Variants in SMURF2 observed in about 807,000 individuals in gnomAD.
SMURF2 encodes the protein E3 ubiquitin-protein ligase SMURF2.
A neutral mutation model predicts 109.6 loss-of-function variants in SMURF2; 48 were observed. The observed-to-expected ratio is 0.44, with a 90% CI of 0.35 to 0.56. The LOEUF (loss-of-function observed/expected upper bound fraction) is 0.56, where lower values mean the gene tolerates loss of function less well. SMURF2 is among the 20% of genes least tolerant of loss of function. The pLI is 0.01. For missense variants in SMURF2, 575 were observed against 909.0 expected, an observed-to-expected ratio of 0.63 and a Z score of 4.72; for synonymous variants, 288 against 317.1, an observed-to-expected ratio of 0.91 and a Z score of 0.97.
intron 1 of SMURF2, among the ~76,000 whole-genome samples, chr17:64,624,218 C>G (rs1555690946): frequency 6.6e-6 from 1 of 152,196 alleles, no homozygotes; most frequent in Non-Finnish European, 1.5e-5. Flanking sequence ...TGCCTTAGGT[C>G]AGGCACAGTG....
intron 1 of SMURF2, among the ~76,000 whole-genome samples, chr17:64,638,004 T>C (rs955694016): frequency 3.3e-5 from 5 of 150,420 alleles, no homozygotes; most frequent in African/African-American, 9.8e-5. Flanking sequence ...CATTGATCTA[T>C]ATCTCAATCC....
At chr17:64,659,854 G>A (rs1285137946) in intron 1 of SMURF2, among the ~76,000 whole-genome samples, 1 of 152,086 alleles carries the variant, frequency 6.6e-6, no homozygotes, top group East Asian at 1.9e-4. Context: ...AAGAAGGAAG[G>A]ACAATGTTTT....
chr17:64,651,786 G>A (rs193199066), intron 1 of SMURF2, among the ~76,000 whole-genome samples: 4 of 152,224 alleles, frequency 2.6e-5, no homozygotes, highest in East Asian at 1.9e-4. Flanking sequence ...AGCTGGGCAC[G>A]GTGATGGATG....
chr17:64,630,146 G>A (rs1555691466), intron 1 of SMURF2, among the ~76,000 whole-genome samples: 4 of 152,048 alleles, frequency 2.6e-5, no homozygotes, highest in African/African-American at 9.7e-5. Context: ...TGAGGCAGGA[G>A]AATCGCTTGA....
chr17:64,632,320 A>G (rs1555691727), intron 1 of SMURF2, among the ~76,000 whole-genome samples: 1 of 152,168 alleles, frequency 6.6e-6, no homozygotes, highest in Non-Finnish European at 1.5e-5. Flanking sequence ...TTGACTTGCC[A>G]CATCAATCAC....
chr17:64,571,446 C>G (rs966332319), intron 10 of SMURF2, among the ~76,000 whole-genome samples: 21 of 152,000 alleles, frequency 1.4e-4, no homozygotes, highest in African/African-American at 4.8e-4. Context: ...CATCTGTCAC[C>G]CAGGCTGGAG....
At chr17:64,618,651 T>C (rs957785327) in intron 1 of SMURF2, among the ~76,000 whole-genome samples, 5 of 152,306 alleles carry the variant, frequency 3.3e-5, no homozygotes, top group Middle Eastern at 3.4e-3. Context: ...GAGATGAATA[T>C]TGTATATTTA....
chr17:64,621,987 A>ATAATAATAATAAT (rs1555690691), intron 1 of SMURF2, among the ~76,000 whole-genome samples: 1 of 132,546 alleles, frequency 7.5e-6, no homozygotes, highest in African/African-American at 2.7e-5. Flanking sequence ...AATAATAATA[A>ATAATAATAATAAT]AAAAAAGCAC....
chr17:64,662,013 G>T lies in SMURF2; in HGVS notation c.-133C>A. The T allele has an allele frequency of 9.0e-7, 1 of 1,113,532 alleles. No individual in the cohort carries two copies. The highest frequency in any genetic ancestry group is 1.1e-6 in the Non-Finnish European group (1 of 912,646). 69.0% of individuals were successfully genotyped at this position (1,113,532 alleles called of 1,614,324 possible). A position where few individuals can be genotyped will look rare whatever the true frequency, so the allele number is the denominator to read the frequency against. ...CGGCCGCCACGGCCGGAGGGTCCCG[G>T]ATGTGCCGAGAGTCGTCGCCATGAG... On this transcript the variant is annotated 5_prime_UTR_variant, in exon 1 of 19. Coordinates refer to ENST00000262435, the MANE Select transcript of SMURF2 (RefSeq NM_022739.4).
chr17:64,603,615 G>A (rs573663788), intron 2 of SMURF2, among the ~76,000 whole-genome samples: 1 of 151,602 alleles, frequency 6.6e-6, no homozygotes, highest in Non-Finnish European at 1.5e-5. Context: ...ATGAATAAAT[G>A]GGTAAATATG....
intron 1 of SMURF2, among the ~76,000 whole-genome samples, chr17:64,649,937 A>G (rs1555693328): frequency 1.3e-5 from 2 of 151,618 alleles, no homozygotes; most frequent in Non-Finnish European, 2.9e-5. Context: ...ATGCTGATAC[A>G]AGACATTTAT....
intron 3 of SMURF2, among the ~76,000 whole-genome samples, chr17:64,597,728 G>A (rs1323000013): frequency 6.7e-6 from 1 of 150,200 alleles, no homozygotes; most frequent in Non-Finnish European, 1.5e-5. Flanking sequence ...AGCCGAGATG[G>A]TGCCACTGCA....
chr17:64,653,352 C>T (rs1404682034), intron 1 of SMURF2, among the ~76,000 whole-genome samples: 2 of 151,944 alleles, frequency 1.3e-5, no homozygotes, highest in Non-Finnish European at 2.9e-5. Flanking sequence ...AATATCTGTA[C>T]CTACCAATTA....
At chr17:64,658,107 C>T (rs754650437) in intron 1 of SMURF2, among the ~76,000 whole-genome samples, 4 of 152,152 alleles carry the variant, frequency 2.6e-5, no homozygotes, top group Non-Finnish European at 5.9e-5. Context: ...GTAATCCCAG[C>T]ACACTGGAAG....
At chr17:64,648,281 A>G (rs915892235) in intron 1 of SMURF2, among the ~76,000 whole-genome samples, 3 of 152,062 alleles carry the variant, frequency 2.0e-5, no homozygotes, top group Non-Finnish European at 4.4e-5. Flanking sequence ...TTAAGCAGCA[A>G]AATTTGCAGT....
At chr17:64,621,317 C>T (rs1056296186) in intron 1 of SMURF2, among the ~76,000 whole-genome samples, 2 of 152,204 alleles carry the variant, frequency 1.3e-5, no homozygotes, top group African/African-American at 2.4e-5. Flanking sequence ...TGCTGGCTCA[C>T]GCCTGTAATC....
chr17:64,582,509 T>G (rs1333236293), intron 7 of SMURF2, among the ~76,000 whole-genome samples: 2 of 152,236 alleles, frequency 1.3e-5, no homozygotes, highest in Non-Finnish European at 2.9e-5. Context: ...GTAAGCTCCA[T>G]GAAGTGACCA....
intron 1 of SMURF2, among the ~76,000 whole-genome samples, chr17:64,638,631 C>A (rs1442147109): frequency 6.6e-6 from 1 of 152,206 alleles, no homozygotes; most frequent in Non-Finnish European, 1.5e-5. Flanking sequence ...ATTAAAGCTA[C>A]AAAATCTTAA....
intron 14 of SMURF2, among the ~76,000 whole-genome samples, 168 bp from the exon 15 acceptor site, chr17:64,555,161 C>T (rs1340605773): frequency 6.6e-6 from 1 of 152,178 alleles, no homozygotes; most frequent in Non-Finnish European, 1.5e-5. Flanking sequence ...AGTCAAAGAG[C>T]TTTAACCTTC....
Sources: gnomAD v4.1 joint callset for allele counts (sites outside exome capture counted in the v4.1 genomes callset) on GRCh38, gnomAD v4.1.1 for gene constraint, MANE v1.5 for transcripts, NCBI Gene and HGNC (gene_info 2026-07-23, HGNC 2026-07-21) for gene names.